Variants in EFEMP1 observed in about 807,000 individuals in gnomAD.
EFEMP1 encodes EGF-containing fibulin-like extracellular matrix protein 1.
EFEMP1 carries 18 observed loss-of-function variants against 65.7 expected under a neutral mutation model. The ratio of observed to expected loss-of-function variants is 0.27; its 90% CI spans 0.19 to 0.41. The LOEUF (loss-of-function observed/expected upper bound fraction) is 0.41, where lower values mean the gene tolerates loss of function less well. EFEMP1 is among the 10% of genes least tolerant of loss of function. The pLI, the probability that EFEMP1 is intolerant of heterozygous loss-of-function variation, is 1.00. For missense variants in EFEMP1, 469 were observed against 624.8 expected (o/e 0.75, Z 2.66); for synonymous variants, 237 against 219.7 (o/e 1.08, Z -0.70).
Position 55,866,831 on chromosome 2 carries a change from G to GCT in EFEMP1, c.*240_*241dup, listed in dbSNP as rs941820311. On this transcript the variant is annotated 3_prime_UTR_variant, in exon 12 of 12. Coordinates refer to ENST00000355426, the MANE Select transcript of EFEMP1 (RefSeq NM_001039348.3). The stretch of plus-strand genomic sequence containing the variant: ...AGTTTCACCAGATAGTGTATACTTA[G>GCT]CTCTCTTGAAGAAGACCAGTTTAGT... The GCT allele has an allele frequency of 4.2e-6, 2 of 476,142 alleles. No individual in the cohort carries two copies. The highest frequency in any genetic ancestry group is 2.3e-5 in the South Asian group (1 of 43,798). The allele number at this position is 476,142 out of a possible 1,614,324, so 29.5% of individuals were successfully genotyped here. A position where few individuals can be genotyped will look rare whatever the true frequency, so the allele number is the denominator to read the frequency against.
chr2:55,918,191 C>G, intron 4 of EFEMP1, 28 bp downstream of exon 4: 14 of 1,614,082 alleles, frequency 8.7e-6, no homozygotes, highest in Non-Finnish European at 1.2e-5. Context: ...AGGCAATGAT[C>G]ACATGGAAGT....
chr2:55,905,273 C>G (rs1670210231), intron 5 of EFEMP1, among the ~76,000 whole-genome samples: 1 of 151,996 alleles, frequency 6.6e-6, no homozygotes, highest in Non-Finnish European at 1.5e-5. Context: ...TTAGTGTAAT[C>G]TTCTTTATTA....
chr2:55,912,847 T>C (rs1371595331), intron 5 of EFEMP1, among the ~76,000 whole-genome samples: 1 of 152,110 alleles, frequency 6.6e-6, no homozygotes, highest in African/African-American at 2.4e-5. Flanking sequence ...TGTGGTGAAA[T>C]TTTTTCTAGG....
rs1223239014 is a variant in EFEMP1, at chr2:55,881,467, A to G, written c.640+145T>C. On this transcript the variant is annotated intron_variant, in intron 6 of 11. Transcript: ENST00000355426. ...TTAAGGTTGTTTCTTGTTATTGTGG[A>G]AAATGGATTGGTAGTCTATAAAAAA... The G allele has an allele frequency of 1.3e-5, 14 of 1,045,520 alleles. No homozygotes were observed. The Admixed American group carries it at 2.6e-4, about 19-fold the overall frequency. 64.8% of individuals were successfully genotyped at this position (1,045,520 alleles called of 1,614,324 possible).
At chr2:55,903,367 T>C (rs964252042) in intron 5 of EFEMP1, among the ~76,000 whole-genome samples, 7 of 152,246 alleles carry the variant, frequency 4.6e-5, no homozygotes, top group African/African-American at 1.7e-4. Flanking sequence ...ATCCAGATTA[T>C]ACCCCATTTG....
chr2:55,878,488 T>C (rs1669117962), intron 6 of EFEMP1, among the ~76,000 whole-genome samples: 2 of 151,584 alleles, frequency 1.3e-5, no homozygotes, highest in Admixed American at 6.6e-5. Context: ...TTTTCAACTA[T>C]AAAATGCTCA....
At chr2:55,911,461 ATAGTTATATGTTATATAACTATATG>A (rs1409311126) in intron 5 of EFEMP1, among the ~76,000 whole-genome samples, 2 of 151,994 alleles carry the variant, frequency 1.3e-5, no homozygotes, top group Non-Finnish European at 2.9e-5. Context: ...AAAACAATAT[ATAGTTATATGTTATATAACTATATG>A]TAGTTATATT....
intron 8 of EFEMP1, among the ~76,000 whole-genome samples, chr2:55,875,626 C>T (rs376528525): frequency 6.6e-6 from 1 of 152,136 alleles, no homozygotes; most frequent in African/African-American, 2.4e-5. Context: ...AATGAATTGG[C>T]TTGTGGTTGA....
chr2:55,911,613 G>A (rs1178375554), intron 5 of EFEMP1, among the ~76,000 whole-genome samples: 4 of 152,084 alleles, frequency 2.6e-5, no homozygotes, highest in African/African-American at 9.7e-5. Context: ...TTCTGATTCA[G>A]TCAGTCTGGG....
chr2:55,900,364 C>A (rs536934919), intron 5 of EFEMP1, among the ~76,000 whole-genome samples: 3 of 151,634 alleles, frequency 2.0e-5, no homozygotes, highest in African/African-American at 7.3e-5. Flanking sequence ...CCAGCCTTCC[C>A]GGGATGCTCC....
intron 8 of EFEMP1, among the ~76,000 whole-genome samples, chr2:55,875,925 C>T (rs1041760315): frequency 4.0e-5 from 6 of 151,774 alleles, no homozygotes; most frequent in African/African-American, 7.3e-5. Flanking sequence ...AGGCCTCTCT[C>T]GGTGGGGTTT....
chr2:55,889,096 A>T (rs901565961), intron 5 of EFEMP1, among the ~76,000 whole-genome samples: 16 of 152,194 alleles, frequency 1.1e-4, no homozygotes, highest in African/African-American at 3.9e-4. Context: ...TTGCAGCCAG[A>T]TTAGTCAAGT....
chr2:55,896,677 A>C (rs1487574270), intron 5 of EFEMP1, among the ~76,000 whole-genome samples: 2 of 152,250 alleles, frequency 1.3e-5, no homozygotes, highest in East Asian at 3.8e-4. Flanking sequence ...TTATCCAGAC[A>C]GGTTAACAAA....
In EFEMP1 at chr2:55,871,742, C is replaced by G. The variant is rs374515472; in HGVS notation, c.1001-619G>C. ...TGGGAGAAAGGTAAAGGCTAGAAAT[C>G]TGGTTTCAGTAAGCTGAAGCATGCT... On this transcript the variant is annotated intron_variant, in intron 9 of 11. Coordinates refer to ENST00000355426, the MANE Select transcript of EFEMP1 (RefSeq NM_001039348.3). This position sits in a 1 kb window ranked among gnomAD's most constrained non-coding sequence, Gnocchi z 4.2. Among the ~76,000 whole-genome samples, 83 of 152,180 alleles carry G rather than the reference C, an allele frequency of 5.5e-4. No individual in the cohort carries two copies. Among genetic ancestry groups the G allele is most frequent in the Non-Finnish European group, 1.0e-3 (71 of 67,998 alleles).
Position 55,883,937 on chromosome 2 carries a change from A to G in EFEMP1, c.518-2203T>C, listed in dbSNP as rs1222848383. On this transcript the variant is annotated intron_variant, in intron 5 of 11. Coordinates refer to ENST00000355426, the MANE Select transcript of EFEMP1 (RefSeq NM_001039348.3). This position sits in a 1 kb window ranked among gnomAD's most constrained non-coding sequence, Gnocchi z 4.5. ...AACAAATACCACTGTGCTCACTGCC[A>G]CTACTTTCCTTCCCTTTCTCCACCA... Among the ~76,000 whole-genome samples the G allele has an allele frequency of 2.6e-5, 4 of 152,190 alleles. No individual in the cohort carries two copies. Among genetic ancestry groups the G allele is most frequent in the Non-Finnish European group, 4.4e-5 (3 of 68,032 alleles).
At chr2:55,876,248 C>T (rs1224376841) in intron 8 of EFEMP1, among the ~76,000 whole-genome samples, 4 of 152,102 alleles carry the variant, frequency 2.6e-5, no homozygotes, top group African/African-American at 7.2e-5. Context: ...CACCAGTCAC[C>T]TGCAGTTTTT....
chr2:55,912,149 C>CT (rs1270497871), intron 5 of EFEMP1, among the ~76,000 whole-genome samples: 3 of 151,982 alleles, frequency 2.0e-5, no homozygotes, highest in African/African-American at 4.8e-5. Context: ...GCTTAAAGTA[C>CT]TTTTTTTTAA....
At chr2:55,910,132 G>A (rs1294486285) in intron 5 of EFEMP1, among the ~76,000 whole-genome samples, 1 of 152,120 alleles carries the variant, frequency 6.6e-6, no homozygotes, top group South Asian at 2.1e-4. Flanking sequence ...TTGATTAGCT[G>A]TTTCTTCTTT....
At position 55,871,508 on chromosome 2, in the gene EFEMP1, A is replaced by C. The variant is rs59870589; in HGVS notation, c.1001-385T>G. Among the ~76,000 whole-genome samples the C allele has an allele frequency of 0.036, 5,466 of 152,204 alleles. 292 individuals carry two copies. The highest frequency in any genetic ancestry group is 0.11 in the African/African-American group (4,621 of 41,518). On this transcript the variant is annotated intron_variant, in intron 9 of 11. Transcript: ENST00000355426. This position sits in a 1 kb window ranked among gnomAD's most constrained non-coding sequence, Gnocchi z 4.2. ...AGTAAAATGGAATTAAGTAAGAGAT[A>C]GATAAGTATACTGGGGCATGTGGAG... is the stretch of plus-strand genomic sequence containing the variant.
Sources: gnomAD v4.1 joint callset for allele counts (sites outside exome capture counted in the v4.1 genomes callset) on GRCh38, gnomAD v4.1.1 for gene constraint, Gnocchi (gnomAD v3.1) non-coding constraint, MANE v1.5 for transcripts, NCBI Gene and HGNC (gene_info 2026-07-23, HGNC 2026-07-21) for gene names.